The following CPE variants were observed in gnomAD, a reference collection of about 807,000 sequenced individuals.
CPE encodes the protein carboxypeptidase E, also known as carbocypeptidase E.
CPE carries 17 observed loss-of-function variants against 53.5 expected under a neutral mutation model. The ratio of observed to expected loss-of-function variants is 0.32; its 90% CI spans 0.22 to 0.48. The LOEUF (loss-of-function observed/expected upper bound fraction) is 0.48. CPE is among the 20% of genes least tolerant of loss of function. CPE has a pLI of 0.99. For synonymous variants in CPE, 226 were observed against 228.8 expected, an observed-to-expected ratio of 0.99 and a Z score of 0.11; for missense variants, 524 against 614.7, an observed-to-expected ratio of 0.85 and a Z score of 1.56.
At chr4:165,416,077 C>T (rs1055760178) in intron 1 of CPE, among the ~76,000 whole-genome samples, 22 of 152,270 alleles carry the variant, frequency 1.4e-4, no homozygotes, top group South Asian at 4.1e-4. Flanking sequence ...GGAATCTTCC[C>T]GCCTGCACTC....
chr4:165,455,620 G>T (rs569797228), intron 1 of CPE, among the ~76,000 whole-genome samples: 2 of 151,512 alleles, frequency 1.3e-5, no homozygotes, highest in Non-Finnish European at 2.9e-5. Flanking sequence ...ACTTCTCTGT[G>T]CTCACTTAAC....
At chr4:165,456,509 T>C (rs1731903789) in intron 1 of CPE, among the ~76,000 whole-genome samples, 1 of 151,598 alleles carries the variant, frequency 6.6e-6, no homozygotes, top group Admixed American at 6.6e-5. Flanking sequence ...TTCATCTTTC[T>C]TTCTTTGTTT....
At chr4:165,494,092 C>CTT (rs1272242188) in intron 7 of CPE, among the ~76,000 whole-genome samples, 1 of 152,112 alleles carries the variant, frequency 6.6e-6, no homozygotes, top group Non-Finnish European at 1.5e-5. Context: ...AAAAAAAAAT[C>CTT]TTTAACATTT....
intron 1 of CPE, among the ~76,000 whole-genome samples, chr4:165,396,228 A>G (rs141507961): frequency 1.3e-5 from 2 of 152,056 alleles, no homozygotes; most frequent in African/African-American, 4.8e-5. Context: ...TAACGGGGCT[A>G]GGGAACTTAT....
intron 1 of CPE, among the ~76,000 whole-genome samples, chr4:165,393,521 A>C (rs2126656793): frequency 6.6e-6 from 1 of 152,320 alleles, no homozygotes; most frequent in South Asian, 2.1e-4. Flanking sequence ...ATAGATGATT[A>C]AGTTGAGCTT....
intron 1 of CPE, among the ~76,000 whole-genome samples, chr4:165,420,727 G>A (rs919181545): frequency 1.3e-5 from 2 of 152,014 alleles, no homozygotes; most frequent in African/African-American, 2.4e-5. Context: ...AATGGGAATG[G>A]CATTTCTGTG....
At chr4:165,440,668 T>C (rs111595215) in intron 1 of CPE, among the ~76,000 whole-genome samples, 42 of 152,284 alleles carry the variant, frequency 2.8e-4, no homozygotes, top group African/African-American at 1.0e-3. Flanking sequence ...ATATAAACAT[T>C]AGCATCATTG....
At chr4:165,407,131 T>C (rs970664382) in intron 1 of CPE, among the ~76,000 whole-genome samples, 12 of 152,200 alleles carry the variant, frequency 7.9e-5, no homozygotes, top group Admixed American at 7.9e-4. Context: ...TGGGTCATAT[T>C]GCAGTTCTTT....
intron 1 of CPE, among the ~76,000 whole-genome samples, chr4:165,391,831 G>A (rs1730684603): frequency 1.3e-5 from 2 of 152,072 alleles, no homozygotes; most frequent in Non-Finnish European, 1.5e-5. Flanking sequence ...TAATTCTTCA[G>A]GGAGTTATAA....
At chr4:165,384,321 A>G (rs1176710189) in intron 1 of CPE, among the ~76,000 whole-genome samples, 3 of 152,204 alleles carry the variant, frequency 2.0e-5, no homozygotes, top group Non-Finnish European at 4.4e-5. Context: ...TTCGTACTGT[A>G]TAAGATTTCC....
rs1730913482 is a variant in CPE, at chr4:165,404,009, C to T, written c.307+24481C>T. 1.7e-5 allele frequency: 13 copies of T among 748,808 alleles called. No homozygotes were observed. The Admixed American group carries it at 2.0e-4, about 11-fold the overall frequency. 46.4% of individuals were successfully genotyped at this position (748,808 alleles called of 1,614,324 possible). A position where few individuals can be genotyped will look rare whatever the true frequency, so the allele number is the denominator to read the frequency against. On this transcript the variant is annotated intron_variant, in intron 1 of 8. Coordinates refer to ENST00000402744, the MANE Select transcript of CPE (RefSeq NM_001873.4). ...ATCTAGATGCCACTCTGTTGGAGAA[C>T]CAGCACTGCCGGCAGCTGGGGTTAG...
At chr4:165,434,778 G>A (rs925966381) in intron 1 of CPE, among the ~76,000 whole-genome samples, 6 of 152,092 alleles carry the variant, frequency 3.9e-5, no homozygotes, top group African/African-American at 7.2e-5. Context: ...CCATAGCTTG[G>A]TTTGTTTGAC....
chr4:165,455,500 C>T (rs957824531), intron 1 of CPE, among the ~76,000 whole-genome samples: 6 of 152,128 alleles, frequency 3.9e-5, no homozygotes, highest in Non-Finnish European at 7.3e-5. Context: ...TATTATAGCA[C>T]TTTAAAAAAT....
At chr4:165,483,703 C>T (rs1732458279) in intron 4 of CPE, among the ~76,000 whole-genome samples, 1 of 152,122 alleles carries the variant, frequency 6.6e-6, no homozygotes, top group African/African-American at 2.4e-5. Context: ...TTTAATTTGC[C>T]TTTCTCAGAT....
At chr4:165,422,569 G>T (rs1731243315) in intron 1 of CPE, among the ~76,000 whole-genome samples, 1 of 152,172 alleles carries the variant, frequency 6.6e-6, no homozygotes, top group Non-Finnish European at 1.5e-5. Context: ...CAAGGTTAAG[G>T]ATGTACCTGT....
At position 165,379,431 on chromosome 4, in the gene CPE, C is replaced by T. The variant is rs1350749328; in HGVS notation, c.210C>T (p.Cys70=). The change falls in exon 1 of 9, where the codon TGC becomes TGT. Residue 70 remains cysteine, a synonymous_variant. Coordinates refer to ENST00000402744, the MANE Select transcript of CPE (RefSeq NM_001873.4). The surrounding 1 kb of genome is among the most constrained non-coding windows in gnomAD (Gnocchi z 6.0). ...REALVSVWLQ[C]TAISRIYTVG... The stretch of plus-strand genomic sequence containing the variant: ...CGCTCGTGTCCGTGTGGCTGCAGTG[C>T]ACCGCCATCAGCAGGATTTACACGG... The T allele has an allele frequency of 2.5e-6, 4 of 1,610,112 alleles. No homozygotes were observed. The highest frequency in any genetic ancestry group is 8.5e-7 in the Non-Finnish European group (1 of 1,178,878).
At chr4:165,426,059 T>C (rs1731312498) in intron 1 of CPE, among the ~76,000 whole-genome samples, 1 of 152,214 alleles carries the variant, frequency 6.6e-6, no homozygotes, top group Non-Finnish European at 1.5e-5. Context: ...TCACAAGCTA[T>C]GATCAAGAGT....
At chr4:165,439,973 A>ATTT (rs950789479) in intron 1 of CPE, among the ~76,000 whole-genome samples, 4 of 152,090 alleles carry the variant, frequency 2.6e-5, no homozygotes, top group Non-Finnish European at 2.9e-5. Flanking sequence ...GTTTTCTATA[A>ATTT]TTTTTTGTTT....
At chr4:165,392,880 T>A (rs901884570) in intron 1 of CPE, among the ~76,000 whole-genome samples, 18 of 147,742 alleles carry the variant, frequency 1.2e-4, no homozygotes, top group Non-Finnish European at 2.5e-4. Context: ...ATCACATATA[T>A]AAATAATATA....
Sources: gnomAD v4.1 joint callset for allele counts (sites outside exome capture counted in the v4.1 genomes callset) on GRCh38, gnomAD v4.1.1 for gene constraint, Gnocchi (gnomAD v3.1) non-coding constraint, MANE v1.5 for transcripts, NCBI Gene and HGNC (gene_info 2026-07-23, HGNC 2026-07-21) for gene names.